The following DAPK1 variants were observed in gnomAD, a reference collection of about 807,000 sequenced individuals.
The protein encoded by DAPK1 is death-associated protein kinase 1.
Under a neutral mutation model 144.9 loss-of-function variants are expected in DAPK1, and 56 were observed. The observed-to-expected ratio is 0.39, with a 90% CI of 0.31 to 0.48. The LOEUF is 0.48. DAPK1 is among the 20% of genes least tolerant of loss of function. The pLI, the probability that DAPK1 is intolerant of heterozygous loss-of-function variation, is 0.95. For missense variants in DAPK1, 1,454 were observed against 1,875.4 expected (o/e 0.78, Z 4.15); for synonymous variants, 690 against 749.0 (o/e 0.92, Z 1.29).
intron 2 of DAPK1, among the ~76,000 whole-genome samples, chr9:87,572,645 T>C (rs1052338295): frequency 6.6e-5 from 10 of 152,076 alleles, no homozygotes; most frequent in Non-Finnish European, 1.3e-4. Context: ...GCTCTCCCCA[T>C]GTGAAGTGCC....
intron 3 of DAPK1, among the ~76,000 whole-genome samples, chr9:87,631,400 G>C (rs142480554): frequency 6.6e-6 from 1 of 152,260 alleles, no homozygotes; most frequent in Non-Finnish European, 1.5e-5. Flanking sequence ...AATACCTTCT[G>C]TCGTGGCCAA....
chr9:87,674,992 A>G (rs1461885067), intron 19 of DAPK1, among the ~76,000 whole-genome samples: 2 of 152,228 alleles, frequency 1.3e-5, no homozygotes, highest in Non-Finnish European at 2.9e-5. Context: ...GGCACTGCAG[A>G]GACCACAGTG....
chr9:87,532,019 G>A (rs1563978605), intron 2 of DAPK1, among the ~76,000 whole-genome samples: 1 of 152,196 alleles, frequency 6.6e-6, no homozygotes, highest in Non-Finnish European at 1.5e-5. Context: ...ACAGGCCTTA[G>A]TGCTAAGCTA....
intron 2 of DAPK1, among the ~76,000 whole-genome samples, chr9:87,600,213 G>A (rs571590547): frequency 2.6e-5 from 4 of 152,168 alleles, no homozygotes; most frequent in African/African-American, 9.7e-5. Context: ...AATTTTCCAC[G>A]ATCCTCTCCA....
intron 2 of DAPK1, among the ~76,000 whole-genome samples, chr9:87,555,573 G>A (rs1442489697): frequency 1.3e-5 from 2 of 150,906 alleles, no homozygotes; most frequent in African/African-American, 4.9e-5. Context: ...GTGTGATCTC[G>A]GCTCACTGCA....
chr9:87,594,794 GC>G (rs1240401755), intron 2 of DAPK1, among the ~76,000 whole-genome samples: 1 of 152,214 alleles, frequency 6.6e-6, no homozygotes, highest in African/African-American at 2.4e-5. Context: ...TCATAGATTT[GC>G]CTGTGGCCTC....
chr9:87,599,904 G>A (rs959091256), intron 2 of DAPK1, among the ~76,000 whole-genome samples: 2 of 152,058 alleles, frequency 1.3e-5, no homozygotes, highest in Admixed American at 6.5e-5. Flanking sequence ...TAAAGACATC[G>A]TATATGTATA....
chr9:87,582,107 G>A (rs948319455), intron 2 of DAPK1, among the ~76,000 whole-genome samples: 4 of 151,998 alleles, frequency 2.6e-5, no homozygotes, highest in Admixed American at 6.6e-5. Context: ...ATGTGGCCCC[G>A]TACCAGGTGG....
At chr9:87,663,402 G>A in intron 18 of DAPK1, among the ~76,000 whole-genome samples, 1 of 152,196 alleles carries the variant, frequency 6.6e-6, no homozygotes, top group South Asian at 2.1e-4. Context: ...ACCTGGCCCA[G>A]CTGTTGCCTC....
At chr9:87,554,896 C>A (rs1826646728) in intron 2 of DAPK1, among the ~76,000 whole-genome samples, 1 of 152,228 alleles carries the variant, frequency 6.6e-6, no homozygotes, top group South Asian at 2.1e-4. Context: ...GGAAGCCCTT[C>A]TGGTGGCAAG....
At chr9:87,600,174 C>T (rs1251272586) in intron 2 of DAPK1, among the ~76,000 whole-genome samples, 1 of 152,230 alleles carries the variant, frequency 6.6e-6, no homozygotes, top group Non-Finnish European at 1.5e-5. Context: ...TGTTTGACTT[C>T]AGCTAGGAAC....
intron 19 of DAPK1, among the ~76,000 whole-genome samples, chr9:87,677,899 C>T (rs914765978): frequency 6.6e-6 from 1 of 152,148 alleles, no homozygotes; most frequent in Non-Finnish European, 1.5e-5. Flanking sequence ...ATGGGCGCAC[C>T]TGGTGCACGT....
chr9:87,604,485 T>C (rs1168308649), intron 2 of DAPK1, among the ~76,000 whole-genome samples: 2 of 152,250 alleles, frequency 1.3e-5, no homozygotes, highest in Non-Finnish European at 2.9e-5. Context: ...TTTTCTGTTC[T>C]GTGTATTTAA....
intron 2 of DAPK1, among the ~76,000 whole-genome samples, chr9:87,528,715 CA>C (rs1300964320): frequency 1.3e-5 from 2 of 151,480 alleles, no homozygotes; most frequent in Non-Finnish European, 2.9e-5. Flanking sequence ...ACTAAAAATA[CA>C]AAAAAACTAG....
chr9:87,586,613 TAATC>T (rs147206313), intron 2 of DAPK1, among the ~76,000 whole-genome samples: 4,255 of 152,296 alleles, frequency 0.028, 184 homozygotes, highest in African/African-American at 0.097. Context: ...AACTTTAAGA[TAATC>T]AGACTAAGTT....
intron 17 of DAPK1, among the ~76,000 whole-genome samples, chr9:87,652,103 C>A (rs1830463983): frequency 6.7e-6 from 1 of 148,634 alleles, no homozygotes; most frequent in African/African-American, 2.5e-5. Context: ...TGTCCATCCC[C>A]CCGATCCTGG....
Position 87,692,976 on chromosome 9 carries a change from T to C in DAPK1, c.2414-4031T>C, listed in dbSNP as rs1825122848. 1.6e-5 allele frequency among the ~76,000 whole-genome samples: 2 copies of C among 123,232 alleles called. 1 individual carries two copies. Among genetic ancestry groups the C allele is most frequent in the Non-Finnish European group, 3.3e-5 (2 of 59,812 alleles). The allele number at this position is 123,232 out of a possible 152,430, so 80.8% of individuals were successfully genotyped here. A position where few individuals can be genotyped will look rare whatever the true frequency, so the allele number is the denominator to read the frequency against. On this transcript the variant is annotated intron_variant, in intron 21 of 25. Transcript: ENST00000408954. ...ACTTTTTTTTTTTTTTTTTTTTTTT[T>C]TTTTTTTTTTTTTTTCTGTTTTCAG...
chr9:87,673,929 C>G (rs902912269), intron 19 of DAPK1, among the ~76,000 whole-genome samples: 2 of 152,142 alleles, frequency 1.3e-5, no homozygotes, highest in African/African-American at 4.8e-5. Flanking sequence ...TACTTCCTTG[C>G]GCTCAGTCAG....
At chr9:87,514,879 TA>T (rs1375995601) in intron 2 of DAPK1, among the ~76,000 whole-genome samples, 1 of 152,250 alleles carries the variant, frequency 6.6e-6, no homozygotes, top group Non-Finnish European at 1.5e-5. Flanking sequence ...CTTTTGTCTA[TA>T]CCATAGAAAT....
Sources: gnomAD v4.1 joint callset for allele counts (sites outside exome capture counted in the v4.1 genomes callset) on GRCh38, gnomAD v4.1.1 for gene constraint, MANE v1.5 for transcripts, NCBI Gene and HGNC (gene_info 2026-07-23, HGNC 2026-07-21) for gene names.